The following OLFM1 variants were observed in gnomAD, a reference collection of about 807,000 sequenced individuals.
OLFM1 encodes the protein noelin.
Under a neutral mutation model 49.7 loss-of-function variants are expected in OLFM1, and 9 were observed. The observed-to-expected ratio is 0.18, with a 90% CI of 0.11 to 0.32. The LOEUF is 0.32. Among genes scored for constraint, OLFM1 ranks in the 10% least tolerant of loss-of-function variants. The pLI is 1.00. For missense variants in OLFM1, 369 were observed against 661.8 expected, an observed-to-expected ratio of 0.56 and a Z score of 4.85; for synonymous variants, 240 against 271.8, an observed-to-expected ratio of 0.88 and a Z score of 1.15.
intron 5 of OLFM1, among the ~76,000 whole-genome samples, chr9:135,115,661 C>A (rs376782636): frequency 6.6e-6 from 1 of 152,326 alleles, no homozygotes; most frequent in East Asian, 1.9e-4. Flanking sequence ...TCAAGACAAT[C>A]GAACTGTTTC....
chr9:135,107,676 T>A (rs1317577510), intron 5 of OLFM1, among the ~76,000 whole-genome samples: 2 of 152,128 alleles, frequency 1.3e-5, no homozygotes, highest in Non-Finnish European at 2.9e-5. Context: ...GCTGCCAGAG[T>A]GGGCATTTCT....
intron 1 of OLFM1, among the ~76,000 whole-genome samples, chr9:135,079,464 G>A (rs1348821199): frequency 1.3e-5 from 2 of 152,130 alleles, no homozygotes; most frequent in African/African-American, 4.8e-5. Flanking sequence ...AATGAGCAGG[G>A]CGTGGTGGCA....
At chr9:135,076,362 T>TG in intron 1 of OLFM1, 2 of 1,531,250 alleles carry the variant, frequency 1.3e-6, no homozygotes, top group South Asian at 1.2e-5. Context: ...ATGCAGGGCT[T>TG]GGGGGGCTGT....
intron 5 of OLFM1, among the ~76,000 whole-genome samples, chr9:135,118,757 C>A (rs1250423206): frequency 7.3e-6 from 1 of 137,280 alleles, no homozygotes; most frequent in African/African-American, 2.7e-5. Flanking sequence ...CTCACTGGGT[C>A]TTTGGAGTGC....
intron 1 of OLFM1, among the ~76,000 whole-genome samples, chr9:135,082,377 C>T (rs1451398137): frequency 6.9e-6 from 1 of 145,518 alleles, no homozygotes; most frequent in African/African-American, 2.6e-5. Flanking sequence ...GCGGGGATTT[C>T]CCTACCATAC....
chr9:135,089,923 A>G (rs1272773706), intron 1 of OLFM1, among the ~76,000 whole-genome samples: 1 of 152,250 alleles, frequency 6.6e-6, no homozygotes, highest in Admixed American at 6.5e-5. Context: ...AACTCCAGAC[A>G]TCCCTTGAGT....
intron 1 of OLFM1, chr9:135,075,977 G>T: frequency 7.0e-7 from 1 of 1,426,116 alleles, no homozygotes; most frequent in Non-Finnish European, 9.1e-7. Flanking sequence ...CTGGGTGGGA[G>T]GGAGGGGTGC....
chr9:135,106,955 G>A, intron 5 of OLFM1, 100 bp downstream of exon 5: 1 of 965,538 alleles, frequency 1.0e-6, no homozygotes, highest in Non-Finnish European at 1.5e-6. Flanking sequence ...CACCCTCCAG[G>A]GCCTATGGAC....
At position 135,088,177 on chromosome 9, in the gene OLFM1, C is replaced by G. The variant is rs1830626719; in HGVS notation, c.150+38C>G. 4 of 1,272,836 alleles carry G rather than the reference C, an allele frequency of 3.1e-6. No individual in the cohort carries two copies. The highest frequency in any genetic ancestry group is 7.9e-5 in the Admixed American group (2 of 25,380). The allele number at this position is 1,272,836 out of a possible 1,614,324, so 78.8% of individuals were successfully genotyped here. ...GCCGGCCGCCTTGGCGCGGCTCCTC[C>G]TCCTCCTCCTCCTCCCCCTCCTCGG... is the stretch of plus-strand genomic sequence containing the variant. On this transcript the variant is annotated intron_variant, in intron 1 of 5. Transcript: ENST00000371793. This position sits in a 1 kb window ranked among gnomAD's most constrained non-coding sequence, Gnocchi z 4.8.
intron 5 of OLFM1, among the ~76,000 whole-genome samples, chr9:135,115,832 G>A (rs1420323078): frequency 6.6e-6 from 1 of 152,234 alleles, no homozygotes; most frequent in East Asian, 1.9e-4. Flanking sequence ...GGCTCCCTGG[G>A]TGCACGGGCT....
At chr9:135,083,710 G>C (rs554413758), upstream of OLFM1, among the ~76,000 whole-genome samples, 4 of 152,350 alleles carry the variant, frequency 2.6e-5, no homozygotes, top group East Asian at 7.7e-4. Flanking sequence ...ATAGGGCACA[G>C]GCTGCCTGGG....
intron 3 of OLFM1, among the ~76,000 whole-genome samples, chr9:135,096,982 C>T (rs1830807460): frequency 6.6e-6 from 1 of 152,170 alleles, no homozygotes; most frequent in Non-Finnish European, 1.5e-5. Context: ...TGCGATTCGA[C>T]TGAAACGTTA....
At position 135,119,989 on chromosome 9, in the gene OLFM1, G is replaced by A. The variant is rs777802254; in HGVS notation, c.1269G>A (p.Lys423=). Residue 423 remains lysine (K), a synonymous_variant, in exon 6 of 6, where the codon AAG becomes AAA. Transcript: ENST00000371793. ...YVTNGYSGGT[K]VHYAYQTNAS... is the part of the protein sequence containing the mutation. ...CCAACGGCTACTCAGGGGGTACCAA[G>A]GTCCACTATGCATACCAGACCAATG... 2.5e-6 allele frequency: 4 copies of A among 1,613,614 alleles called. No individual in the cohort carries two copies. Among genetic ancestry groups the A allele is most frequent in the Non-Finnish European group, 3.4e-6 (4 of 1,180,024 alleles).
rs201334236 is a variant in OLFM1, at chr9:135,113,790, C to T, written c.784-5714C>T. On this transcript the variant is annotated intron_variant, in intron 5 of 5. Coordinates refer to ENST00000371793, the MANE Select transcript of OLFM1 (RefSeq NM_001282611.2). The surrounding 1 kb of genome is among the most constrained non-coding windows in gnomAD (Gnocchi z 4.0). ...GACACATGCCCGATGCCCCAGCACA[C>T]GGGTGTGGAAGCCCAAGAGGTGCCC... Among the ~76,000 whole-genome samples the T allele has an allele frequency of 3.5e-4, 54 of 152,212 alleles. No homozygotes were observed. The highest frequency in any genetic ancestry group is 7.7e-4 in the East Asian group (4 of 5,184).
At chr9:135,114,499 G>A (rs1831069831) in intron 5 of OLFM1, among the ~76,000 whole-genome samples, 1 of 152,052 alleles carries the variant, frequency 6.6e-6, no homozygotes, top group Non-Finnish European at 1.5e-5. Context: ...ATCTTCTGGG[G>A]GCCACTATTC....
chr9:135,076,717 C>T, intron 1 of OLFM1: 1 of 1,436,274 alleles, frequency 7.0e-7, no homozygotes, highest in Non-Finnish European at 9.1e-7. Context: ...TTTGGAGTTG[C>T]AAGTCCAGGA....
Position 135,119,598 on chromosome 9 carries a change from G to A in OLFM1, c.878G>A (p.Arg293His), listed in dbSNP as rs1259537651. 2.5e-6 allele frequency: 4 copies of A among 1,614,052 alleles called. No homozygotes were observed. The highest frequency in any genetic ancestry group is 2.2e-5 in the East Asian group (1 of 44,888). Residue 293 changes from arginine (R) to histidine (H), a missense_variant, in exon 6 of 6, where the codon CGT becomes CAT. By Grantham distance (29) the Arg-to-His change is conservative. Coordinates refer to ENST00000371793, the MANE Select transcript of OLFM1 (RefSeq NM_001282611.2). Reference protein sequence around the residue: ...FMNTDNFTSHRLPHPWSGTGQ... With the variant: ...FMNTDNFTSHHLPHPWSGTGQ... ...AACACGGACAATTTCACCTCCCACC[G>A]TCTCCCCCACCCCTGGTCGGGCACG...
At chr9:135,086,387 A>C (rs1434400469), upstream of OLFM1, among the ~76,000 whole-genome samples, 2 of 152,268 alleles carry the variant, frequency 1.3e-5, no homozygotes, top group African/African-American at 4.8e-5. Context: ...TCTTGGCTGC[A>C]GCTGAAGTCT....
chr9:135,119,988 A>G lies in OLFM1; in HGVS notation c.1268A>G (p.Lys423Arg). The G allele has an allele frequency of 6.2e-7, 1 of 1,613,778 alleles. No individual in the cohort carries two copies. Among genetic ancestry groups the G allele is most frequent in the Non-Finnish European group, 8.5e-7 (1 of 1,180,034 alleles). ...YVTNGYSGGT[K>R]VHYAYQTNAS... is the part of the protein sequence containing the mutation. ...ACCAACGGCTACTCAGGGGGTACCA[A>G]GGTCCACTATGCATACCAGACCAAT... The change falls in exon 6 of 6, where the codon AAG becomes AGG. Residue 423 changes from lysine (K) to arginine (R), a missense_variant. Physicochemically the swap from Lys to Arg is conservative, Grantham distance 26. This residue lies in a region of OLFM1 where 294 missense variants were observed against 567.5 expected (regional missense o/e 0.52). Coordinates refer to ENST00000371793, the MANE Select transcript of OLFM1 (RefSeq NM_001282611.2).
Sources: allele counts gnomAD v4.1 joint callset (sites outside exome capture counted in the v4.1 genomes callset), GRCh38; gene constraint gnomAD v4.1.1; regional missense constraint gnomAD v4.1.1; non-coding constraint Gnocchi (gnomAD v3.1); transcripts MANE v1.5; gene names NCBI Gene and HGNC (gene_info 2026-07-23, HGNC 2026-07-21).